The following URB1 variants were observed in gnomAD, a reference collection of about 807,000 sequenced individuals.
URB1 encodes URB1 ribosome biogenesis factor, also known as nucleolar pre-ribosomal-associated protein 1.
URB1 carries 197 observed loss-of-function variants against 242.3 expected under a neutral mutation model. That is an observed-to-expected ratio of 0.81 (90% CI 0.72 to 0.91). URB1 has a LOEUF of 0.91. URB1 is among the 40% of genes least tolerant of loss of function. The pLI, the probability that URB1 is intolerant of heterozygous loss-of-function variation, is 0.00. For synonymous variants in URB1, 1,153 were observed against 1,201.8 expected, an observed-to-expected ratio of 0.96 and a Z score of 0.84; for missense variants, 2,721 against 2,860.5, an observed-to-expected ratio of 0.95 and a Z score of 1.11.
chr21:32,392,917 G>C lies in URB1; in HGVS notation c.-7C>G. On this transcript the variant is annotated 5_prime_UTR_variant, in exon 1 of 39. Transcript: ENST00000382751. ...TCCTCTTGGGGACCCCCATGGCCGA[G>C]AGGGCGGAAGCGCGACGGAAACGAC... 6.6e-7 allele frequency: 1 copy of C among 1,506,668 alleles called. No homozygotes were observed. Among genetic ancestry groups the C allele is most frequent in the South Asian group, 1.2e-5 (1 of 81,260 alleles). The allele number at this position is 1,506,668 out of a possible 1,614,324, so 93.3% of individuals were successfully genotyped here. A position where few individuals can be genotyped will look rare whatever the true frequency, so the allele number is the denominator to read the frequency against.
intron 14 of URB1, among the ~76,000 whole-genome samples, chr21:32,359,425 T>C (rs1375360513): frequency 3.3e-5 from 5 of 152,334 alleles, no homozygotes; most frequent in South Asian, 4.1e-4. Flanking sequence ...TGGTTATCTA[T>C]TCTCATCTCG....
intron 31 of URB1, 97 bp downstream of exon 31, chr21:32,325,132 T>C: frequency 7.2e-7 from 1 of 1,395,450 alleles, no homozygotes; most frequent in Admixed American, 2.4e-5. Context: ...ACCTCCGTGT[T>C]CCCTAGTAAA....
Position 32,347,541 on chromosome 21 carries a change from C to T in URB1, c.3283G>A (p.Ala1095Thr), listed in dbSNP as rs1050615986. The stretch of plus-strand genomic sequence containing the variant: ...GGCGGGGTCTTTGGTGGTGATGTGG[C>T]CGGGCCCGCCCTCCTGTTCTGAAGT... ...KELQNRRAGPATSPPKTPPQL... is the reference protein window; with the variant it reads ...KELQNRRAGPTTSPPKTPPQL... Residue 1095 changes from alanine (A) to threonine (T), a missense_variant, in exon 22 of 39, where the codon GCC becomes ACC. Coordinates refer to ENST00000382751, the MANE Select transcript of URB1 (RefSeq NM_014825.3). The T allele has an allele frequency of 1.3e-6, 2 of 1,551,188 alleles. No individual in the cohort carries two copies. The highest frequency in any genetic ancestry group is 1.7e-6 in the Non-Finnish European group (2 of 1,146,734).
intron 25 of URB1, among the ~76,000 whole-genome samples, chr21:32,340,988 A>G (rs919586592): frequency 3.3e-5 from 5 of 150,824 alleles, no homozygotes; most frequent in African/African-American, 9.9e-5. Flanking sequence ...AAAAGGATGT[A>G]TAAAGAATGA....
chr21:32,376,405 A>G (rs2033459124), intron 5 of URB1, among the ~76,000 whole-genome samples: 1 of 152,220 alleles, frequency 6.6e-6, no homozygotes, highest in Non-Finnish European at 1.5e-5. Context: ...TTTCTACAAA[A>G]GCAAATTCAT....
At chr21:32,386,651 T>G (rs796870504) in intron 1 of URB1, among the ~76,000 whole-genome samples, 5 of 152,322 alleles carry the variant, frequency 3.3e-5, no homozygotes, top group African/African-American at 1.2e-4. Context: ...ATAGAGCTTT[T>G]GTTCCCTCAA....
At chr21:32,362,102 C>CA in intron 11 of URB1, 81 bp from the exon 12 acceptor site, 4 of 1,483,074 alleles carry the variant, frequency 2.7e-6, no homozygotes, top group East Asian at 2.5e-5. Context: ...TAACAAGATG[C>CA]AAAAAACAGG....
chr21:32,390,421 T>A (rs1394607549), intron 1 of URB1, among the ~76,000 whole-genome samples: 1 of 152,172 alleles, frequency 6.6e-6, no homozygotes, highest in Non-Finnish European at 1.5e-5. Context: ...CATAAATGTC[T>A]TCTTTTGAGA....
In URB1 at chr21:32,347,763, C is replaced by T. The variant is rs1478075888; in HGVS notation, c.3061G>A (p.Gly1021Ser). 16 of 1,548,700 alleles carry T rather than the reference C, an allele frequency of 1.0e-5. No individual in the cohort carries two copies. The highest frequency in any genetic ancestry group is 1.3e-5 in the Non-Finnish European group (15 of 1,146,942). ...VAILRHPTLE[G>S]WFLALEQQAL... ...TGCTGCTCCAGGGCCAGGAACCAGC[C>T]CTCCAGGGTGGGGTGCCTGAGGATG... The change falls in exon 22 of 39, where the codon GGC (glycine) becomes AGC (serine). Residue 1021 changes from glycine to serine, a missense_variant. By Grantham distance (56) the Gly-to-Ser change is moderately conservative (BLOSUM62 0). Transcript: ENST00000382751.
chr21:32,314,850 A>G lies in URB1; in HGVS notation c.*68T>C. On this transcript the variant is annotated 3_prime_UTR_variant, in exon 39 of 39. Transcript: ENST00000382751. ...TCTCTGGAAACCCTTGACTCAACCA[A>G]ACTTCTAGAAGCTGGTGCTGTGCTC... 1 of 1,515,308 alleles carries G rather than the reference A, an allele frequency of 6.6e-7. No individual in the cohort carries two copies. The allele number at this position is 1,515,308 out of a possible 1,614,324, so 93.9% of individuals were successfully genotyped here. A position where few individuals can be genotyped will look rare whatever the true frequency, so the allele number is the denominator to read the frequency against.
At chr21:32,359,058 G>A (rs983946605) in intron 14 of URB1, among the ~76,000 whole-genome samples, 1 of 152,178 alleles carries the variant, frequency 6.6e-6, no homozygotes, top group African/African-American at 2.4e-5. Flanking sequence ...TAGTCCCAGA[G>A]GCACAGCATT....
intron 24 of URB1, among the ~76,000 whole-genome samples, chr21:32,342,997 GA>G (rs993605465): frequency 7.3e-5 from 11 of 151,490 alleles, no homozygotes; most frequent in Non-Finnish European, 1.0e-4. Flanking sequence ...ATCGGGTGGG[GA>G]AAAAAAATCT....
chr21:32,357,625 T>C lies in URB1; in HGVS notation c.1901A>G (p.Glu634Gly), dbSNP rs1394019475. 6.6e-7 allele frequency: 1 copy of C among 1,516,558 alleles called. No homozygotes were observed. Among genetic ancestry groups the C allele is most frequent in the African/African-American group, 1.4e-5 (1 of 71,432 alleles). The allele number at this position is 1,516,558 out of a possible 1,614,324, so 93.9% of individuals were successfully genotyped here. ...CATTAGTAAGTAAAATACTGATCGT[T>C]CACCTCCAATAATTTCTGCATCTGG... is the stretch of plus-strand genomic sequence containing the variant. ...EGPDAEIIGG[E>G]RSVFYLLMKM... Residue 634 changes from glutamate to glycine, a missense_variant, in exon 15 of 39, where the codon GAA becomes GGA. Glu to Gly is a moderately conservative substitution (Grantham distance 98, BLOSUM62 -2). Transcript: ENST00000382751.
In URB1 at chr21:32,361,397, G is replaced by A. The variant is rs531981139; in HGVS notation, c.1640-274C>T. On this transcript the variant is annotated intron_variant, in intron 12 of 38. Transcript: ENST00000382751. ...GTCTGGGTTAAAACCTCATTTCACT[G>A]CTGTGACCTTAGACAGGTTCTGGTC... Among the ~76,000 whole-genome samples, 10 of 152,288 alleles carry A rather than the reference G, an allele frequency of 6.6e-5. No individual in the cohort carries two copies. In the South Asian group the frequency reaches 1.5e-3, roughly 22 times the overall value.
intron 1 of URB1, among the ~76,000 whole-genome samples, chr21:32,388,163 C>T (rs2033602725): frequency 6.6e-6 from 1 of 152,192 alleles, no homozygotes; most frequent in African/African-American, 2.4e-5. Flanking sequence ...GACTCCTGGG[C>T]ACAAATCCCC....
intron 10 of URB1, among the ~76,000 whole-genome samples, chr21:32,366,044 T>C (rs938725447): frequency 1.3e-5 from 2 of 152,194 alleles, no homozygotes; most frequent in Non-Finnish European, 2.9e-5. Context: ...CCCCCCAGAA[T>C]GTGGCTTCTG....
chr21:32,320,719 A>T (rs2032754839), intron 34 of URB1, 79 bp from the exon 35 acceptor site: 1 of 1,035,928 alleles, frequency 9.7e-7, no homozygotes, highest in Non-Finnish European at 1.4e-6. Flanking sequence ...TTAAAAATTA[A>T]TGGTATGGTG....
chr21:32,359,968 G>A, intron 13 of URB1, 60 bp from the exon 14 acceptor site: 6 of 1,452,952 alleles, frequency 4.1e-6, no homozygotes, highest in Non-Finnish European at 5.6e-6. Flanking sequence ...CCCAACAATT[G>A]CTGCCCTGGC....
chr21:32,389,013 C>T (rs528509560), intron 1 of URB1, among the ~76,000 whole-genome samples: 2 of 152,012 alleles, frequency 1.3e-5, no homozygotes, highest in Admixed American at 6.6e-5. Context: ...AAGCACCTAC[C>T]GCAATCACTT....
Sources: allele counts gnomAD v4.1 joint callset (sites outside exome capture counted in the v4.1 genomes callset), GRCh38; gene constraint gnomAD v4.1.1; transcripts MANE v1.5; gene names NCBI Gene and HGNC (gene_info 2026-07-23, HGNC 2026-07-21).